Variants in GRB2 observed in about 807,000 individuals in gnomAD.
GRB2 encodes growth factor receptor-bound protein 2.
Under a neutral mutation model 27.4 loss-of-function variants are expected in GRB2, and 2 were observed. The observed-to-expected ratio is 0.07, with a 90% confidence interval of 0.03 to 0.23. The LOEUF is 0.23. Ranked by LOEUF, GRB2 falls within the 10% of genes least tolerant of loss-of-function variation. The pLI, the probability that GRB2 is intolerant of heterozygous loss-of-function variation, is 1.00. For missense variants in GRB2, 102 were observed against 282.4 expected, an observed-to-expected ratio of 0.36 and a Z score of 4.58; for synonymous variants, 94 against 99.6, an observed-to-expected ratio of 0.94 and a Z score of 0.33.
intron 2 of GRB2, among the ~76,000 whole-genome samples, chr17:75,337,564 CTGT>C (rs2078586056): frequency 7.2e-6 from 1 of 139,004 alleles, no homozygotes; most frequent in Non-Finnish European, 1.5e-5. Flanking sequence ...TATTTTATTA[CTGT>C]TACTATTTTT....
chr17:75,346,578 CTT>C (rs775027742), intron 2 of GRB2, among the ~76,000 whole-genome samples: 40 of 68,750 alleles, frequency 5.8e-4, no homozygotes, highest in African/African-American at 1.9e-3. Flanking sequence ...CTTTTCTTGC[CTT>C]TTTTTTTTTT....
At chr17:75,397,372 T>C (rs992102498) in intron 1 of GRB2, among the ~76,000 whole-genome samples, 2 of 152,182 alleles carry the variant, frequency 1.3e-5, no homozygotes, top group Non-Finnish European at 2.9e-5. Context: ...TGGGGTATAG[T>C]GTACTTAACA....
intron 2 of GRB2, among the ~76,000 whole-genome samples, chr17:75,337,245 C>T (rs2078583465): frequency 6.6e-6 from 1 of 152,146 alleles, no homozygotes; most frequent in African/African-American, 2.4e-5. Flanking sequence ...AGAGACCAGG[C>T]CTTTCAACCC....
chr17:75,392,886 C>T (rs1026490261), intron 2 of GRB2, among the ~76,000 whole-genome samples: 2 of 152,226 alleles, frequency 1.3e-5, no homozygotes, highest in African/African-American at 2.4e-5. Context: ...GATTTTTAAA[C>T]TGTCAGCAGG....
intron 2 of GRB2, among the ~76,000 whole-genome samples, chr17:75,386,520 G>A (rs1443026803): frequency 6.6e-6 from 1 of 152,186 alleles, no homozygotes; most frequent in Non-Finnish European, 1.5e-5. Context: ...AATCTCCAGA[G>A]ACATGGGAAA....
Position 75,381,978 on chromosome 17 carries a change from A to G in GRB2, c.78+11573T>C, listed in dbSNP as rs149285215. Among the ~76,000 whole-genome samples the G allele has an allele frequency of 7.6e-3, 1,152 of 152,018 alleles. 8 individuals are homozygous for G. The highest frequency in any genetic ancestry group is 0.026 in the African/African-American group (1,072 of 41,456). ...AGTCCTGGGTTCCTGTAATCCCAGC[A>G]CTTTGGGAGGCTGAGGCGGGTGGAT... On this transcript the variant is annotated intron_variant, in intron 2 of 5. Transcript: ENST00000316804.
chr17:75,322,275 G>C (rs8079968), intron 4 of GRB2, among the ~76,000 whole-genome samples: 25,492 of 151,648 alleles, frequency 0.17, 2,529 homozygotes, highest in African/African-American at 0.28. Flanking sequence ...GGGAGGCTGA[G>C]GCAGGAGAAT....
chr17:75,344,794 T>C (rs2078643949), intron 2 of GRB2, among the ~76,000 whole-genome samples: 1 of 152,108 alleles, frequency 6.6e-6, no homozygotes, highest in Admixed American at 6.6e-5. Flanking sequence ...CATGAAATCC[T>C]ACACTCCTCT....
intron 2 of GRB2, among the ~76,000 whole-genome samples, chr17:75,389,380 G>C (rs2078984550): frequency 6.6e-6 from 1 of 152,162 alleles, no homozygotes; most frequent in Non-Finnish European, 1.5e-5. Context: ...CTTCCTGAAC[G>C]ACTCTAGCAG....
At chr17:75,337,572 ATTTTT>A (rs5822084) in intron 2 of GRB2, among the ~76,000 whole-genome samples, 1 of 130,914 alleles carries the variant, frequency 7.6e-6, no homozygotes, top group Non-Finnish European at 1.7e-5. Flanking sequence ...TACTGTTACT[ATTTTT>A]TTTTTTTTTT....
intron 2 of GRB2, among the ~76,000 whole-genome samples, chr17:75,341,856 C>A (rs1567861447): frequency 6.6e-6 from 1 of 152,172 alleles, no homozygotes; most frequent in Non-Finnish European, 1.5e-5. Context: ...CCAAAGTTAA[C>A]CACCATAATT....
chr17:75,343,202 G>GGA (rs1305179625), intron 2 of GRB2, among the ~76,000 whole-genome samples: 2 of 152,058 alleles, frequency 1.3e-5, no homozygotes. Context: ...CTCTCAGGAT[G>GGA]GAGCGCTTCC....
chr17:75,357,313 T>A (rs925046923), intron 2 of GRB2, among the ~76,000 whole-genome samples: 1 of 152,188 alleles, frequency 6.6e-6, no homozygotes, highest in East Asian at 1.9e-4. Context: ...GATGGGACCG[T>A]AGAACAGAGA....
At chr17:75,379,151 T>C (rs1350678379) in intron 2 of GRB2, among the ~76,000 whole-genome samples, 2 of 152,180 alleles carry the variant, frequency 1.3e-5, no homozygotes, top group East Asian at 1.9e-4. Context: ...TAAAAGTAAC[T>C]ATGGCTATAT....
intron 1 of GRB2, among the ~76,000 whole-genome samples, chr17:75,404,023 G>A (rs1020410766): frequency 3.3e-5 from 5 of 151,444 alleles, no homozygotes; most frequent in African/African-American, 1.2e-4. Context: ...TGAGGCAGGA[G>A]AATCGCTTGA....
chr17:75,399,367 CTTTTTTT>C (rs71161208), intron 1 of GRB2, among the ~76,000 whole-genome samples: 28 of 107,950 alleles, frequency 2.6e-4, no homozygotes, highest in Non-Finnish European at 8.0e-5. Context: ...ACAATCTTTT[CTTTTTTT>C]TTTTTTTTTT....
At chr17:75,383,040 G>A (rs1001829475) in intron 2 of GRB2, among the ~76,000 whole-genome samples, 18 of 151,416 alleles carry the variant, frequency 1.2e-4, no homozygotes, top group African/African-American at 4.4e-4. Context: ...AGTTGTTTGG[G>A]AAAAACACGC....
chr17:75,364,321 T>C (rs567135875), intron 2 of GRB2, among the ~76,000 whole-genome samples: 10 of 152,288 alleles, frequency 6.6e-5, no homozygotes, highest in African/African-American at 2.2e-4. Context: ...AATGAGTTAG[T>C]CTCTCCTTTA....
chr17:75,333,138 C>T (rs375022666), intron 2 of GRB2, among the ~76,000 whole-genome samples: 2 of 151,852 alleles, frequency 1.3e-5, no homozygotes, highest in African/African-American at 2.4e-5. Context: ...TGCAGTGGCG[C>T]GATCTTGGCT....
Sources: gnomAD v4.1 joint callset for allele counts (sites outside exome capture counted in the v4.1 genomes callset) on GRCh38, gnomAD v4.1.1 for gene constraint, MANE v1.5 for transcripts, NCBI Gene and HGNC (gene_info 2026-07-23, HGNC 2026-07-21) for gene names.